The following VIPR2 variants were observed in gnomAD, a reference collection of about 807,000 sequenced individuals.
The protein encoded by VIPR2 is vasoactive intestinal peptide receptor 2, also known as vasoactive intestinal polypeptide receptor 2.
VIPR2 carries 48 observed loss-of-function variants against 58.0 expected under a neutral mutation model. That is an observed-to-expected ratio of 0.83 (90% CI 0.66 to 1.05). The LOEUF is 1.05. Ranked by LOEUF, VIPR2 falls within the 50% of genes least tolerant of loss-of-function variation. The pLI is 0.00. For missense variants in VIPR2, 534 were observed against 558.0 expected, an observed-to-expected ratio of 0.96 and a Z score of 0.43; for synonymous variants, 243 against 235.2, an observed-to-expected ratio of 1.03 and a Z score of -0.30.
intron 5 of VIPR2, among the ~76,000 whole-genome samples, chr7:159,043,899 G>A (rs1268480064): frequency 6.6e-6 from 1 of 152,230 alleles, no homozygotes; most frequent in Non-Finnish European, 1.5e-5. Flanking sequence ...GATAGCCTGA[G>A]AGGAAAAGCT....
intron 4 of VIPR2, among the ~76,000 whole-genome samples, chr7:159,086,833 G>C (rs1857202002): frequency 6.6e-6 from 1 of 152,210 alleles, no homozygotes; most frequent in African/African-American, 2.4e-5. Flanking sequence ...AATAAACATG[G>C]AAGTGACACA....
chr7:159,065,317 C>T (rs1245603287), intron 4 of VIPR2, among the ~76,000 whole-genome samples: 3 of 152,164 alleles, frequency 2.0e-5, no homozygotes, highest in African/African-American at 7.2e-5. Flanking sequence ...ACAGGAGGAG[C>T]CCGCAGGAGA....
At chr7:159,040,512 A>G (rs1476172804) in intron 6 of VIPR2, among the ~76,000 whole-genome samples, 2 of 152,246 alleles carry the variant, frequency 1.3e-5, no homozygotes, top group Admixed American at 1.3e-4. Context: ...GTCCCGGGAC[A>G]GCCCAGGGCC....
At chr7:159,041,654 G>T (rs1020960333) in intron 6 of VIPR2, among the ~76,000 whole-genome samples, 2 of 120,498 alleles carry the variant, frequency 1.7e-5, no homozygotes, top group Non-Finnish European at 3.9e-5. Context: ...CTGAGGGTCC[G>T]TCATGGGTCC....
Position 159,116,073 on chromosome 7 carries a change from G to A in VIPR2, c.152-6154C>T, listed in dbSNP as rs539332643. ...GCCCCGTGACCTGTGCTGACCCCTC[G>A]GACTGACAGGCTCTTCCTTCTGGAA... is the stretch of plus-strand genomic sequence containing the variant. On this transcript the variant is annotated intron_variant, in intron 2 of 12. Coordinates refer to ENST00000262178, the MANE Select transcript of VIPR2 (RefSeq NM_003382.5). Among the ~76,000 whole-genome samples the A allele has an allele frequency of 3.7e-4, 56 of 152,260 alleles. 1 individual carries two copies. The highest frequency in any genetic ancestry group is 1.3e-3 in the African/African-American group (55 of 41,554).
intron 2 of VIPR2, among the ~76,000 whole-genome samples, chr7:159,115,980 A>G (rs990624534): frequency 1.3e-5 from 2 of 152,222 alleles, no homozygotes; most frequent in Non-Finnish European, 2.9e-5. Flanking sequence ...TGTGAACAGC[A>G]AGGTCTCCCA....
chr7:159,053,533 G>T (rs975822354), intron 5 of VIPR2, among the ~76,000 whole-genome samples: 1 of 152,042 alleles, frequency 6.6e-6, no homozygotes, highest in Non-Finnish European at 1.5e-5. Context: ...AATTGCAATA[G>T]AATTTTTGTT....
chr7:159,035,981 A>G lies in VIPR2; in HGVS notation c.780T>C (p.Thr260=), dbSNP rs2129492988. 3 of 1,613,750 alleles carry G rather than the reference A, an allele frequency of 1.9e-6. No homozygotes were observed. Among genetic ancestry groups the G allele is most frequent in the Non-Finnish European group, 2.5e-6 (3 of 1,179,904 alleles). Residue 260 remains threonine, a synonymous_variant, in exon 8 of 13, where the codon ACT becomes ACC. Coordinates refer to ENST00000262178, the MANE Select transcript of VIPR2 (RefSeq NM_003382.5). ...GLPTVCIGAW[T]AARLYLEDTG... ...TGTCTTCTAAGTAGAGCCTGGCCGCAGTCCATGCACCGATGCAGACGGTGG... is the reference window on the plus strand; with the variant it reads ...TGTCTTCTAAGTAGAGCCTGGCCGCGGTCCATGCACCGATGCAGACGGTGG...
At position 159,029,124 on chromosome 7, in the gene VIPR2, C is replaced by T. The variant is rs1853395553; in HGVS notation, c.*1492G>A. The T allele has an allele frequency of 6.6e-6, 1 of 152,264 alleles. No homozygotes were observed. The highest frequency in any genetic ancestry group is 2.4e-5 in the African/African-American group (1 of 41,470). The allele number at this position is 152,264 out of a possible 1,614,324, so 9.4% of individuals were successfully genotyped here. ...GAGCTTCCCTGTGGCTGCCTCCCGG[C>T]ACAGCTGTCCCGACCTTTGACATCG... On this transcript the variant is annotated 3_prime_UTR_variant, in exon 13 of 13. Transcript: ENST00000262178.
intron 4 of VIPR2, among the ~76,000 whole-genome samples, chr7:159,092,695 G>A (rs904786133): frequency 1.4e-5 from 2 of 146,904 alleles, no homozygotes; most frequent in Non-Finnish European, 3.0e-5. Context: ...GTGTTGCCCA[G>A]GCTGGAGTGC....
intron 4 of VIPR2, among the ~76,000 whole-genome samples, chr7:159,059,048 GC>G (rs112107700): frequency 5.4e-4 from 82 of 152,368 alleles, no homozygotes; most frequent in African/African-American, 1.9e-3. Context: ...CTAAGCCAGA[GC>G]CAGCTGCTGA....
chr7:159,030,650 T>C lies in VIPR2; in HGVS notation c.1283A>G (p.Gln428Arg). ...ALQFHRGSRA[Q>R]SFLQTETSVI ...CGAGGTCTCCGTTTGCAGGAAGGAC[T>C]GGGCGCGGGAGCCGCGGTGGAACTG... Residue 428 changes from glutamine to arginine, a missense_variant, in exon 13 of 13, where the codon CAG becomes CGG. By Grantham distance (43) the Gln-to-Arg change is conservative (BLOSUM62 1). This residue lies in a region of VIPR2 where 306 missense variants were observed against 285.8 expected (regional missense o/e 1.07). Transcript: ENST00000262178. The C allele has an allele frequency of 6.4e-7, 1 of 1,557,570 alleles. No homozygotes were observed. The highest frequency in any genetic ancestry group is 8.7e-7 in the Non-Finnish European group (1 of 1,152,158).
At chr7:159,102,941 C>T (rs1353645130) in intron 4 of VIPR2, among the ~76,000 whole-genome samples, 1 of 152,222 alleles carries the variant, frequency 6.6e-6, no homozygotes, top group Non-Finnish European at 1.5e-5. Flanking sequence ...GTGCCCGCCA[C>T]CCACACGGTG....
At position 159,031,652 on chromosome 7, in the gene VIPR2, T is replaced by C. The variant is rs1585318916; in HGVS notation, c.1143+176A>G. ...GGTTTGGAAGCTGGGCCCAGAAGAGTGGGTTTGCCTGTGTCGTTGTGGGTT... is the reference window on the plus strand; with the variant it reads ...GGTTTGGAAGCTGGGCCCAGAAGAGCGGGTTTGCCTGTGTCGTTGTGGGTT... On this transcript the variant is annotated intron_variant, in intron 12 of 12. Transcript: ENST00000262178. The surrounding 1 kb of genome is among the most constrained non-coding windows in gnomAD (Gnocchi z 4.0). 1.0e-6 allele frequency: 1 copy of C among 984,028 alleles called. No individual in the cohort carries two copies. Among genetic ancestry groups the C allele is most frequent in the Non-Finnish European group, 1.2e-6 (1 of 829,706 alleles). The allele number at this position is 984,028 out of a possible 1,614,324, so 61.0% of individuals were successfully genotyped here.
At chr7:159,101,830 G>A (rs1167146639) in intron 4 of VIPR2, among the ~76,000 whole-genome samples, 7 of 139,476 alleles carry the variant, frequency 5.0e-5, no homozygotes, top group Admixed American at 1.4e-4. Context: ...CGTTCCTGTG[G>A]TAGTGAACGG....
At chr7:159,064,522 A>G (rs1385269357) in intron 4 of VIPR2, among the ~76,000 whole-genome samples, 2 of 152,150 alleles carry the variant, frequency 1.3e-5, no homozygotes, top group Non-Finnish European at 2.9e-5. Context: ...CGGGGCGGCC[A>G]GCTGGGTGCT....
intron 5 of VIPR2, among the ~76,000 whole-genome samples, chr7:159,046,109 C>G (rs1440912458): frequency 6.6e-6 from 1 of 151,870 alleles, no homozygotes. Context: ...AACTGGAACC[C>G]TCATATATTG....
chr7:159,063,584 C>T (rs2129494245), intron 4 of VIPR2, among the ~76,000 whole-genome samples: 1 of 151,804 alleles, frequency 6.6e-6, no homozygotes, highest in Admixed American at 6.5e-5. Flanking sequence ...TCCCACAGTG[C>T]AGCGGCGGGC....
intron 4 of VIPR2, among the ~76,000 whole-genome samples, chr7:159,084,545 CGGGCACGGGATTCA>C (rs1283245714): frequency 1.3e-5 from 2 of 152,126 alleles, no homozygotes; most frequent in African/African-American, 4.8e-5. Flanking sequence ...GAGAGGGCGC[CGGGCACGGGATTCA>C]GGGCACTATG....
Sources: allele counts gnomAD v4.1 joint callset (sites outside exome capture counted in the v4.1 genomes callset), GRCh38; gene constraint gnomAD v4.1.1; regional missense constraint gnomAD v4.1.1; non-coding constraint Gnocchi (gnomAD v3.1); transcripts MANE v1.5; gene names NCBI Gene and HGNC (gene_info 2026-07-23, HGNC 2026-07-21).